ZDHHC12: variants seen among roughly 807,000 people sequenced by gnomAD.
ZDHHC12 encodes palmitoyltransferase ZDHHC12.
Under a neutral mutation model 33.2 loss-of-function variants are expected in ZDHHC12, and 26 were observed. That is an observed-to-expected ratio of 0.78 (90% CI 0.57 to 1.09). The LOEUF (loss-of-function observed/expected upper bound fraction) is 1.09, where lower values mean the gene tolerates loss of function less well. ZDHHC12 is among the 50% of genes least tolerant of loss of function. The probability of loss-of-function intolerance (pLI) is 0.00; values close to 1 mark genes in which losing one functional copy is unlikely to be tolerated. For missense variants in ZDHHC12, 350 were observed against 353.0 expected, an observed-to-expected ratio of 0.99 and a Z score of 0.07; for synonymous variants, 154 against 152.1, an observed-to-expected ratio of 1.01 and a Z score of -0.09.
chr9:128,721,047 G>C lies in ZDHHC12; in HGVS notation c.*134C>G. Reference sequence around the variant, plus strand: ...TGCCCACCAAGGCAGGGATCTGTCTGACTTGAAGCTCCGTTCTGGGGTCTG... The same window carrying C: ...TGCCCACCAAGGCAGGGATCTGTCTCACTTGAAGCTCCGTTCTGGGGTCTG... On this transcript the variant is annotated 3_prime_UTR_variant, in exon 5 of 5. Transcript: ENST00000372663. The surrounding 1 kb of genome is among the most constrained non-coding windows in gnomAD (Gnocchi z 6.9). 1 of 925,780 alleles carries C rather than the reference G, an allele frequency of 1.1e-6. No homozygotes were observed. Among genetic ancestry groups the C allele is most frequent in the African/African-American group, 1.7e-5 (1 of 59,908 alleles). 57.3% of individuals were successfully genotyped at this position (925,780 alleles called of 1,614,324 possible).
Position 128,724,113 on chromosome 9 carries a change from AC to A in ZDHHC12, c.-21del. The A allele has an allele frequency of 2.0e-6, 3 of 1,521,714 alleles. No homozygotes were observed. Among genetic ancestry groups the A allele is most frequent in the Non-Finnish European group, 2.7e-6 (3 of 1,130,218 alleles). The allele number at this position is 1,521,714 out of a possible 1,614,324, so 94.3% of individuals were successfully genotyped here. ...CGCCATCGCCTCGGCCCGGGGCCCCACCCGGAAGAAGCGCCCAGAGGGGCGG... is the reference window on the plus strand; with the variant it reads ...CGCCATCGCCTCGGCCCGGGGCCCCACCGGAAGAAGCGCCCAGAGGGGCGG... On this transcript the variant is annotated 5_prime_UTR_variant, in exon 1 of 5. Coordinates refer to ENST00000372663, the MANE Select transcript of ZDHHC12 (RefSeq NM_032799.5).
chr9:128,721,402 T>C lies in ZDHHC12; in HGVS notation c.583A>G (p.Ser195Gly). ...TAGAGGTGCGAGACGAGGAGCAGGC[T>C]GGCCACCAACGAGAAGAGGGACAGC... is the stretch of plus-strand genomic sequence containing the variant. ...LLLSLFSLVA[S>G]LLLVSHLYLV... Residue 195 changes from serine (S) to glycine (G), a missense_variant, in exon 5 of 5, where the codon AGC becomes GGC. Ser to Gly is a moderately conservative substitution (Grantham distance 56, BLOSUM62 0). Transcript: ENST00000372663. This position sits in a 1 kb window ranked among gnomAD's most constrained non-coding sequence, Gnocchi z 6.9. 1 of 1,580,990 alleles carries C rather than the reference T, an allele frequency of 6.3e-7. No individual in the cohort carries two copies.
In ZDHHC12 at chr9:128,721,616, C is replaced by T. The variant is rs1187432882; in HGVS notation, c.482+35G>A. The stretch of plus-strand genomic sequence containing the variant: ...GTCCACCCCTGTGGGAGCATTCATC[C>T]CACCCTCCCTCTACACCCGGGCAGC... On this transcript the variant is annotated intron_variant, in intron 4 of 4. Coordinates refer to ENST00000372663, the MANE Select transcript of ZDHHC12 (RefSeq NM_032799.5). This position sits in a 1 kb window ranked among gnomAD's most constrained non-coding sequence, Gnocchi z 6.9. 1.2e-6 allele frequency: 2 copies of T among 1,602,654 alleles called. No individual in the cohort carries two copies. Among genetic ancestry groups the T allele is most frequent in the African/African-American group, 2.7e-5 (2 of 74,130 alleles).
Position 128,721,750 on chromosome 9 carries a change from G to C in ZDHHC12, c.383C>G (p.Pro128Arg). 1 of 1,613,852 alleles carries C rather than the reference G, an allele frequency of 6.2e-7. No homozygotes were observed. The highest frequency in any genetic ancestry group is 8.5e-7 in the Non-Finnish European group (1 of 1,180,002). Reference sequence around the variant, plus strand: ...CTCTCCCACACAGTTCTCCATCCAGGGGCAGTGGTGGTCGTAGCGGCGGAC... The same window carrying C: ...CTCTCCCACACAGTTCTCCATCCAGCGGCAGTGGTGGTCGTAGCGGCGGAC... ...RCVRRYDHHC[P>R]WMENCVGERN... Residue 128 changes from proline to arginine, a missense_variant, in exon 4 of 5, where the codon CCC becomes CGC. Transcript: ENST00000372663. The surrounding 1 kb of genome is among the most constrained non-coding windows in gnomAD (Gnocchi z 6.9).
rs769185065 is a variant in ZDHHC12 at position 128,724,024 on chromosome 9, T to C, written c.70A>G (p.Ile24Val). Residue 24 changes from isoleucine to valine, a missense_variant, in exon 1 of 5, where the codon ATC becomes GTC. Physicochemically the swap from Ile to Val is conservative, Grantham distance 29. Coordinates refer to ENST00000372663, the MANE Select transcript of ZDHHC12 (RefSeq NM_032799.5). ...TCGTGCAGGAAGAGCACCAGCGTGA[T>C]TCCCCAGGTCAGCACGGTGTGCCCG... ...RTGHTVLTWG[I>V]TLVLFLHDTE... The C allele has an allele frequency of 1.2e-6, 2 of 1,613,124 alleles. No homozygotes were observed. The highest frequency in any genetic ancestry group is 1.7e-6 in the Non-Finnish European group (2 of 1,179,536).
In ZDHHC12 at chr9:128,721,170, C is replaced by T. The variant is rs1318135440; in HGVS notation, c.*11G>A. ...TTCAGGCACAAGACGGTAGCCCGGC[C>T]TCCAGCAACCCTAAACAGCTGGGCT... On this transcript the variant is annotated 3_prime_UTR_variant, in exon 5 of 5. Coordinates refer to ENST00000372663, the MANE Select transcript of ZDHHC12 (RefSeq NM_032799.5). The surrounding 1 kb of genome is among the most constrained non-coding windows in gnomAD (Gnocchi z 6.9). 2.6e-6 allele frequency: 4 copies of T among 1,546,740 alleles called. No individual in the cohort carries two copies. The highest frequency in any genetic ancestry group is 2.7e-5 in the African/African-American group (2 of 73,686).
Position 128,722,556 on chromosome 9 carries a change from T to C in ZDHHC12, c.119A>G (p.Glu40Gly), listed in dbSNP as rs142304708. 5.1e-4 allele frequency: 813 copies of C among 1,592,818 alleles called. No homozygotes were observed. The highest frequency in any genetic ancestry group is 6.5e-4 in the Non-Finnish European group (756 of 1,169,798). ...GAGGGGCAGGAGCAGCTCCCCCTGCTCCTCCCATTGCCGCAGCTCTGGAGA... is the reference window on the plus strand; with the variant it reads ...GAGGGGCAGGAGCAGCTCCCCCTGCCCCTCCCATTGCCGCAGCTCTGGAGA... ...LHDTELRQWE[E>G]QGELLLPLTF... Residue 40 changes from glutamate to glycine, a missense_variant, in exon 2 of 5, where the codon GAG (glutamate) becomes GGG (glycine). By Grantham distance (98) the Glu-to-Gly change is moderately conservative. Coordinates refer to ENST00000372663, the MANE Select transcript of ZDHHC12 (RefSeq NM_032799.5). This position sits in a 1 kb window ranked among gnomAD's most constrained non-coding sequence, Gnocchi z 4.2.
chr9:128,722,717 C>A lies in ZDHHC12; in HGVS notation c.101-143G>T, dbSNP rs1862606815. 1.4e-6 allele frequency: 2 copies of A among 1,457,882 alleles called. No individual in the cohort carries two copies. Among genetic ancestry groups the A allele is most frequent in the Admixed American group, 5.2e-5 (2 of 38,742 alleles). The allele number at this position is 1,457,882 out of a possible 1,614,324, so 90.3% of individuals were successfully genotyped here. On this transcript the variant is annotated intron_variant, in intron 1 of 4. Coordinates refer to ENST00000372663, the MANE Select transcript of ZDHHC12 (RefSeq NM_032799.5). The surrounding 1 kb of genome is among the most constrained non-coding windows in gnomAD (Gnocchi z 4.2). ...GGTTCCATGAGTGGCTGTGTGTGGC[C>A]AGCAGTTCATCTGCACTTTTATCTG... is the stretch of plus-strand genomic sequence containing the variant.
chr9:128,722,918 T>TG lies in ZDHHC12; in HGVS notation c.101-345dup. Reference sequence around the variant, plus strand: ...GAGGAAGGAATGGACAGGGGGCTGCTGGGTCAAGGGAGCCAGACCTGACTG... The same window carrying TG: ...GAGGAAGGAATGGACAGGGGGCTGCTGGGGTCAAGGGAGCCAGACCTGACTG... On this transcript the variant is annotated intron_variant, in intron 1 of 4. Transcript: ENST00000372663. The surrounding 1 kb of genome is among the most constrained non-coding windows in gnomAD (Gnocchi z 4.2). 2.5e-6 allele frequency: 1 copy of TG among 404,246 alleles called. No individual in the cohort carries two copies. Among genetic ancestry groups the TG allele is most frequent in the South Asian group, 3.3e-5 (1 of 29,886 alleles). 25.0% of individuals were successfully genotyped at this position (404,246 alleles called of 1,614,324 possible).
chr9:128,722,849 G>T lies in ZDHHC12; in HGVS notation c.101-275C>A. 1 of 1,058,460 alleles carries T rather than the reference G, an allele frequency of 9.4e-7. No individual in the cohort carries two copies. The allele number at this position is 1,058,460 out of a possible 1,614,324, so 65.6% of individuals were successfully genotyped here. A position where few individuals can be genotyped will look rare whatever the true frequency, so the allele number is the denominator to read the frequency against. ...AGCCTGGGGGCAGAGAATCTGGCCA[G>T]GAGGAAGAAGAGAGTCGCTACAAAG... is the stretch of plus-strand genomic sequence containing the variant. On this transcript the variant is annotated intron_variant, in intron 1 of 4. Transcript: ENST00000372663. This position sits in a 1 kb window ranked among gnomAD's most constrained non-coding sequence, Gnocchi z 4.2.
Position 128,720,990 on chromosome 9 carries a change from T to G in ZDHHC12, c.*191A>C. On this transcript the variant is annotated 3_prime_UTR_variant, in exon 5 of 5. Coordinates refer to ENST00000372663, the MANE Select transcript of ZDHHC12 (RefSeq NM_032799.5). This position sits in a 1 kb window ranked among gnomAD's most constrained non-coding sequence, Gnocchi z 5.5. ...TTGGGCCTGAGCCACCCACAGGTCC[T>G]TTTCTTCCCCTTCTTCCTTGGAAGG... 1 of 681,776 alleles carries G rather than the reference T, an allele frequency of 1.5e-6. No individual in the cohort carries two copies. The highest frequency in any genetic ancestry group is 3.2e-5 in the Admixed American group (1 of 31,046). 42.2% of individuals were successfully genotyped at this position (681,776 alleles called of 1,614,324 possible). A position where few individuals can be genotyped will look rare whatever the true frequency, so the allele number is the denominator to read the frequency against.
At position 128,723,826 on chromosome 9, in the gene ZDHHC12, G is replaced by C. The variant is rs1409161878; in HGVS notation, c.100+168C>G. ...AGGGATCAACGGGGTATCAGACAGA[G>C]AGCAGGTGGCTCTTGGAATGATAGA... On this transcript the variant is annotated intron_variant, in intron 1 of 4. Coordinates refer to ENST00000372663, the MANE Select transcript of ZDHHC12 (RefSeq NM_032799.5). The surrounding 1 kb of genome is among the most constrained non-coding windows in gnomAD (Gnocchi z 4.4). 1 of 986,560 alleles carries C rather than the reference G, an allele frequency of 1.0e-6. No individual in the cohort carries two copies. The highest frequency in any genetic ancestry group is 2.7e-5 in the East Asian group (1 of 36,514). The allele number at this position is 986,560 out of a possible 1,614,324, so 61.1% of individuals were successfully genotyped here.
Position 128,720,901 on chromosome 9 carries a change from T to G in ZDHHC12, c.*280A>C. The G allele has an allele frequency of 1.8e-6, 1 of 556,066 alleles. No individual in the cohort carries two copies. Among genetic ancestry groups the G allele is most frequent in the Non-Finnish European group, 3.2e-6 (1 of 316,234 alleles). The allele number at this position is 556,066 out of a possible 1,614,324, so 34.4% of individuals were successfully genotyped here. ...TTTTAAGACTGGACTTGCTTTATAT[T>G]AAATTTGTAAAAGTGTGCACTGGCA... On this transcript the variant is annotated 3_prime_UTR_variant, in exon 5 of 5. Transcript: ENST00000372663. The surrounding 1 kb of genome is among the most constrained non-coding windows in gnomAD (Gnocchi z 5.5).
Position 128,721,929 on chromosome 9 carries a change from C to T in ZDHHC12, c.315+80G>A. ...AGGCCTTCTTGGAGGAGGGGCGAGG[C>T]CCAGGCAGTGGGGCAGGAGGAGGTC... On this transcript the variant is annotated intron_variant, in intron 3 of 4. Coordinates refer to ENST00000372663, the MANE Select transcript of ZDHHC12 (RefSeq NM_032799.5). The surrounding 1 kb of genome is among the most constrained non-coding windows in gnomAD (Gnocchi z 6.9). 6.2e-7 allele frequency: 1 copy of T among 1,608,176 alleles called. No homozygotes were observed.
At position 128,723,571 on chromosome 9, in the gene ZDHHC12, C is replaced by A; in HGVS notation, c.100+423G>T. The A allele has an allele frequency of 3.6e-6, 1 of 281,088 alleles. No homozygotes were observed. The highest frequency in any genetic ancestry group is 9.9e-5 in the South Asian group (1 of 10,130). The allele number at this position is 281,088 out of a possible 1,614,324, so 17.4% of individuals were successfully genotyped here. A position where few individuals can be genotyped will look rare whatever the true frequency, so the allele number is the denominator to read the frequency against. On this transcript the variant is annotated intron_variant, in intron 1 of 4. Transcript: ENST00000372663. This position sits in a 1 kb window ranked among gnomAD's most constrained non-coding sequence, Gnocchi z 4.4. ...TGCCTGGACTTGGGCAGCTAGTGGCCATGGGGGTGTGGGGGGTGTGGGTGT... is the reference window on the plus strand; with the variant it reads ...TGCCTGGACTTGGGCAGCTAGTGGCAATGGGGGTGTGGGGGGTGTGGGTGT...
Position 128,721,223 on chromosome 9 carries a change from G to A in ZDHHC12, c.762C>T (p.Leu254=). The A allele has an allele frequency of 1.2e-6, 2 of 1,603,456 alleles. No homozygotes were observed. The highest frequency in any genetic ancestry group is 1.7e-6 in the Non-Finnish European group (2 of 1,175,876). The part of the protein sequence containing the change: ...CGWPSGSWET[L]WAEEEEEGSS... The stretch of plus-strand genomic sequence containing the variant: ...TGCCCTCTTCCTCCTCCTCAGCCCA[G>A]AGGGTCTCCCAGGACCCTGAGGGCC... Residue 254 remains leucine (L), a synonymous_variant, in exon 5 of 5, where the codon CTC becomes CTT. Coordinates refer to ENST00000372663, the MANE Select transcript of ZDHHC12 (RefSeq NM_032799.5). This position sits in a 1 kb window ranked among gnomAD's most constrained non-coding sequence, Gnocchi z 6.9.
Position 128,721,882 on chromosome 9 carries a change from G to C in ZDHHC12, c.316-65C>G. On this transcript the variant is annotated intron_variant, in intron 3 of 4. Coordinates refer to ENST00000372663, the MANE Select transcript of ZDHHC12 (RefSeq NM_032799.5). This position sits in a 1 kb window ranked among gnomAD's most constrained non-coding sequence, Gnocchi z 6.9. ...TGCTGTGGGCCCACCACTGAGGGAAGGAATCAGGGCCTGATTCTGGAAGGC... is the reference window on the plus strand; with the variant it reads ...TGCTGTGGGCCCACCACTGAGGGAACGAATCAGGGCCTGATTCTGGAAGGC... 4 of 1,600,864 alleles carry C rather than the reference G, an allele frequency of 2.5e-6. No homozygotes were observed. The highest frequency in any genetic ancestry group is 3.4e-6 in the Non-Finnish European group (4 of 1,172,158).
At position 128,721,130 on chromosome 9, in the gene ZDHHC12, A is replaced by C; in HGVS notation, c.*51T>G. On this transcript the variant is annotated 3_prime_UTR_variant, in exon 5 of 5. Coordinates refer to ENST00000372663, the MANE Select transcript of ZDHHC12 (RefSeq NM_032799.5). This position sits in a 1 kb window ranked among gnomAD's most constrained non-coding sequence, Gnocchi z 6.9. The stretch of plus-strand genomic sequence containing the variant: ...CTCTGAGCGCTCACCCCAGCTGGGG[A>C]CAGGCCCCGTGGTTTTCAGGCACAA... 6.8e-7 allele frequency: 1 copy of C among 1,474,570 alleles called. No individual in the cohort carries two copies. Among genetic ancestry groups the C allele is most frequent in the Non-Finnish European group, 9.0e-7 (1 of 1,114,792 alleles). 91.3% of individuals were successfully genotyped at this position (1,474,570 alleles called of 1,614,324 possible). A position where few individuals can be genotyped will look rare whatever the true frequency, so the allele number is the denominator to read the frequency against.
chr9:128,722,900 G>C lies in ZDHHC12; in HGVS notation c.101-326C>G. ...GCCTGGCAGGAAGTGAGGGAGGAAG[G>C]AATGGACAGGGGGCTGCTGGGTCAA... On this transcript the variant is annotated intron_variant, in intron 1 of 4. Coordinates refer to ENST00000372663, the MANE Select transcript of ZDHHC12 (RefSeq NM_032799.5). This position sits in a 1 kb window ranked among gnomAD's most constrained non-coding sequence, Gnocchi z 4.2. 1 of 529,812 alleles carries C rather than the reference G, an allele frequency of 1.9e-6. No individual in the cohort carries two copies. The highest frequency in any genetic ancestry group is 2.9e-6 in the Non-Finnish European group (1 of 347,594). 32.8% of individuals were successfully genotyped at this position (529,812 alleles called of 1,614,324 possible).
Sources: gnomAD v4.1 joint callset for allele counts on GRCh38, gnomAD v4.1.1 for gene constraint, Gnocchi (gnomAD v3.1) non-coding constraint, MANE v1.5 for transcripts, NCBI Gene and HGNC (gene_info 2026-07-23, HGNC 2026-07-21) for gene names.